ZMYM2: variants seen among roughly 807,000 people sequenced by gnomAD.
ZMYM2 encodes the protein zinc finger MYM-type protein 2.
ZMYM2 carries 56 observed loss-of-function variants against 162.8 expected under a neutral mutation model. The ratio of observed to expected loss-of-function variants is 0.34; its 90% CI spans 0.28 to 0.43. The LOEUF is 0.43. ZMYM2 is among the 20% of genes least tolerant of loss of function. ZMYM2 has a pLI of 1.00. For synonymous variants in ZMYM2, 510 were observed against 541.6 expected, an observed-to-expected ratio of 0.94 and a Z score of 0.81; for missense variants, 1,275 against 1,621.8, an observed-to-expected ratio of 0.79 and a Z score of 3.67.
At chr13:19,889,353 T>A in the ZMYM2 span, among the ~76,000 whole-genome samples, 2 of 151,944 alleles carry the variant, frequency 1.3e-5, no homozygotes, top group Non-Finnish European at 2.9e-5. Context: ...AGTTTCGTTC[T>A]TGTCGCCCAG....
chr13:19,906,617 C>G, the ZMYM2 span, among the ~76,000 whole-genome samples: 1 of 151,368 alleles, frequency 6.6e-6, no homozygotes, highest in Admixed American at 6.6e-5. Flanking sequence ...ACTGTGTTGC[C>G]CAGACTGTGG....
At chr13:19,881,706 C>T in the ZMYM2 span, among the ~76,000 whole-genome samples, 1 of 152,134 alleles carries the variant, frequency 6.6e-6, no homozygotes, top group Non-Finnish European at 1.5e-5. Context: ...GAAATTTGGT[C>T]AGGCGCTGTG....
chr13:20,020,236 T>TC (rs922180243), intron 7 of ZMYM2, among the ~76,000 whole-genome samples: 6 of 146,836 alleles, frequency 4.1e-5, no homozygotes, highest in African/African-American at 1.5e-4. Context: ...TTCCTCTTCT[T>TC]TTTTTTTTTT....
the ZMYM2 span, among the ~76,000 whole-genome samples, chr13:19,938,433 C>T: frequency 5.9e-5 from 9 of 152,226 alleles, no homozygotes; most frequent in Admixed American, 5.9e-4. Flanking sequence ...GGGAGGCCAA[C>T]GTTGCAGTGA....
At chr13:20,082,279 T>A in intron 22 of ZMYM2, 149 bp downstream of exon 22, 1 of 643,272 alleles carries the variant, frequency 1.6e-6, no homozygotes, top group Non-Finnish European at 2.6e-6. Context: ...TCATCTCTTG[T>A]TGAATTAGAA....
the ZMYM2 span, among the ~76,000 whole-genome samples, chr13:19,873,423 T>TATTGATTG: frequency 1.3e-5 from 2 of 148,730 alleles, no homozygotes; most frequent in South Asian, 2.1e-4. Flanking sequence ...TTTATTTATT[T>TATTGATTG]ATTGAGGCAG....
rs150952267 is a variant in ZMYM2 at position 19,977,863 on chromosome 13, T to C, written c.-10-15200T>C. On this transcript the variant is annotated intron_variant, in intron 2 of 24. Transcript: ENST00000610343. ...TAGTGTACCATTTGATTCCCTTCTT[T>C]TCTATATATTTTAAAAGTTTTTTTT... Among the ~76,000 whole-genome samples the C allele has an allele frequency of 3.0e-3, 450 of 151,296 alleles. 4 individuals are homozygous for C. The highest frequency in any genetic ancestry group is 0.01 in the African/African-American group (423 of 41,312).
At chr13:20,072,028 GA>G (rs1326142188) in intron 21 of ZMYM2, 15 of 177,804 alleles carry the variant, frequency 8.4e-5, no homozygotes, top group Non-Finnish European at 1.5e-4. Flanking sequence ...CAACCATCAG[GA>G]ACAGTAAGGA....
chr13:19,886,396 T>C, the ZMYM2 span, among the ~76,000 whole-genome samples: 1 of 151,684 alleles, frequency 6.6e-6, no homozygotes, highest in Non-Finnish European at 1.5e-5. Flanking sequence ...ACTCCCGACC[T>C]CGGTGATCTG....
rs142761282 is a variant in ZMYM2, at chr13:20,028,851, C to T, written c.1851+1533C>T. 8.6e-5 allele frequency among the ~76,000 whole-genome samples: 13 copies of T among 150,520 alleles called. No homozygotes were observed. The East Asian group carries it at 2.5e-3, about 29-fold the overall frequency. On this transcript the variant is annotated intron_variant, in intron 9 of 24. Coordinates refer to ENST00000610343, the MANE Select transcript of ZMYM2 (RefSeq NM_197968.4). ...TTTTTGATCCTCTGTTGGTTGAATC[C>T]ATGGATATGTAGGACCGACTGTACT...
the ZMYM2 span, among the ~76,000 whole-genome samples, chr13:19,869,540 C>T: frequency 6.6e-6 from 1 of 152,092 alleles, no homozygotes; most frequent in African/African-American, 2.4e-5. Context: ...ATAATCCTAG[C>T]ACTTTGGGAG....
At chr13:20,000,885 A>C (rs1162971427) in intron 3 of ZMYM2, among the ~76,000 whole-genome samples, 2 of 152,258 alleles carry the variant, frequency 1.3e-5, no homozygotes, top group Non-Finnish European at 2.9e-5. Context: ...ATCTAGGCAA[A>C]GTAAATTAAA....
intron 2 of ZMYM2, among the ~76,000 whole-genome samples, chr13:19,987,220 G>A (rs1949228366): frequency 6.7e-6 from 1 of 149,188 alleles, no homozygotes; most frequent in Non-Finnish European, 1.5e-5. Flanking sequence ...CAGCTATTAA[G>A]CAAAATGAAA....
the ZMYM2 span, among the ~76,000 whole-genome samples, chr13:19,889,037 C>T: frequency 6.6e-6 from 1 of 152,120 alleles, no homozygotes; most frequent in Non-Finnish European, 1.5e-5. Context: ...GGGCATCCTA[C>T]TTTCTGAGAT....
At chr13:19,967,163 G>C (rs1955862326) in intron 2 of ZMYM2, among the ~76,000 whole-genome samples, 1 of 151,540 alleles carries the variant, frequency 6.6e-6, no homozygotes, top group Admixed American at 6.6e-5. Flanking sequence ...AACTCCTTTT[G>C]CTTTTTTTAA....
intron 2 of ZMYM2, among the ~76,000 whole-genome samples, chr13:19,987,620 CGTGTGTGTGTGTGTGTGTGTGTGT>C (rs756005409): frequency 8.2e-6 from 1 of 121,300 alleles, no homozygotes; most frequent in Non-Finnish European, 1.7e-5. Context: ...GGGGTTTTGT[CGTGTGTGTGTGTGTGTGTGTGTGT>C]GTGTGTGTGT....
intron 2 of ZMYM2, among the ~76,000 whole-genome samples, chr13:19,967,424 G>A (rs1179888785): frequency 6.6e-6 from 1 of 152,176 alleles, no homozygotes; most frequent in Non-Finnish European, 1.5e-5. Context: ...ATTGTAGCAT[G>A]ACATGAGTTG....
At chr13:19,953,722 C>A (rs909925023), upstream of ZMYM2, among the ~76,000 whole-genome samples, 11 of 145,968 alleles carry the variant, frequency 7.5e-5, no homozygotes, top group Non-Finnish European at 1.5e-4. Context: ...ACCTATGGTT[C>A]ATTTGAGATT....
In ZMYM2 at chr13:20,085,872, G is replaced by C. The variant is rs1229181908; in HGVS notation, c.3992G>C (p.Cys1331Ser). ...RMDVFYLQPE[C>S]SSSTDSPVWY... Reference sequence around the variant, plus strand: ...GATGTTTTTTATTTGCAACCAGAATGCTCTAGTTCTACAGATAGCCCTGTC... The same window carrying C: ...GATGTTTTTTATTTGCAACCAGAATCCTCTAGTTCTACAGATAGCCCTGTC... Residue 1331 changes from cysteine (C) to serine (S), a missense_variant, in exon 25 of 25, where the codon TGC (cysteine) becomes TCC (serine). By Grantham distance (112) the Cys-to-Ser change is moderately radical (BLOSUM62 -1). Around this residue, in one of 10 missense-constraint regions of ZMYM2, gnomAD observed 69 missense variants for 78.4 expected, o/e 0.88. Transcript: ENST00000610343. The C allele has an allele frequency of 3.7e-6, 6 of 1,613,064 alleles. No homozygotes were observed. The highest frequency in any genetic ancestry group is 1.1e-5 in the South Asian group (1 of 90,960).
Sources: gnomAD v4.1 joint callset for allele counts (sites outside exome capture counted in the v4.1 genomes callset) on GRCh38, gnomAD v4.1.1 for gene constraint, gnomAD v4.1.1 regional missense constraint, MANE v1.5 for transcripts, NCBI Gene and HGNC (gene_info 2026-07-23, HGNC 2026-07-21) for gene names.